CA10: variants seen among roughly 807,000 people sequenced by gnomAD.
CA10 encodes carbonic anhydrase 10 (inactive).
CA10 carries 14 observed loss-of-function variants against 44.2 expected under a neutral mutation model. That is an observed-to-expected ratio of 0.32 (90% confidence interval 0.21 to 0.50). CA10 has a LOEUF of 0.50. Ranked by LOEUF, CA10 falls within the 20% of genes least tolerant of loss-of-function variation. The pLI is 0.99. For missense variants in CA10, 350 were observed against 409.7 expected, an observed-to-expected ratio of 0.85 and a Z score of 1.26; for synonymous variants, 159 against 141.6, an observed-to-expected ratio of 1.12 and a Z score of -0.87.
intron 3 of CA10, among the ~76,000 whole-genome samples, chr17:51,876,741 A>C (rs569042369): frequency 6.6e-6 from 1 of 151,720 alleles, no homozygotes; most frequent in Admixed American, 6.6e-5. Context: ...GTAAAAACTC[A>C]TAAGCAAGAT....
At chr17:51,768,966 C>T (rs984288576) in intron 3 of CA10, among the ~76,000 whole-genome samples, 20 of 152,246 alleles carry the variant, frequency 1.3e-4, no homozygotes, top group Middle Eastern at 3.4e-3. Flanking sequence ...CTTCTCCACA[C>T]GGTTTTTCCA....
intron 3 of CA10, among the ~76,000 whole-genome samples, chr17:51,802,942 A>G (rs1906991160): frequency 6.6e-6 from 1 of 152,176 alleles, no homozygotes; most frequent in South Asian, 2.1e-4. Context: ...TCTCGTTGAC[A>G]TTAAGTGCGG....
In CA10 at chr17:51,653,635, A is replaced by G. The variant is rs1597964677; in HGVS notation, c.561+6T>C. 3 of 1,458,738 alleles carry G rather than the reference A, an allele frequency of 2.1e-6. No homozygotes were observed. Among genetic ancestry groups the G allele is most frequent in the Non-Finnish European group, 2.9e-6 (3 of 1,038,260 alleles). The allele number at this position is 1,458,738 out of a possible 1,614,324, so 90.4% of individuals were successfully genotyped here. On this transcript the variant is annotated splice_donor_region_variant and intron_variant, in intron 5 of 8. Transcript: ENST00000451037. ...TGAGAAGAATGAAGGAATGCAAGAG[A>G]CTTACTTTTATAAATATAGAAACTA...
At chr17:51,974,471 C>A (rs1193961499) in intron 2 of CA10, among the ~76,000 whole-genome samples, 2 of 146,660 alleles carry the variant, frequency 1.4e-5, no homozygotes, top group African/African-American at 2.5e-5. Flanking sequence ...AACTCGCAGA[C>A]AAGAATAAAA....
At chr17:52,080,202 C>T (rs1313974915) in intron 1 of CA10, among the ~76,000 whole-genome samples, 1 of 152,154 alleles carries the variant, frequency 6.6e-6, no homozygotes, top group Non-Finnish European at 1.5e-5. Flanking sequence ...CCACTAATCC[C>T]AGCACTTTGG....
chr17:52,093,839 T>G (rs1402261081), intron 1 of CA10, among the ~76,000 whole-genome samples: 1 of 152,182 alleles, frequency 6.6e-6, no homozygotes, highest in African/African-American at 2.4e-5. Flanking sequence ...CACCAGAAAT[T>G]TATTAGGTAG....
At chr17:51,867,367 A>G (rs1177939887) in intron 3 of CA10, among the ~76,000 whole-genome samples, 1 of 152,198 alleles carries the variant, frequency 6.6e-6, no homozygotes, top group African/African-American at 2.4e-5. Context: ...ATTGAATGAG[A>G]CTGTAGAGTG....
intron 3 of CA10, among the ~76,000 whole-genome samples, chr17:51,847,029 G>C (rs1193692027): frequency 6.6e-6 from 1 of 152,150 alleles, no homozygotes; most frequent in Admixed American, 6.5e-5. Flanking sequence ...ACAGTTTAGT[G>C]TTATATAATA....
chr17:51,671,393 G>T (rs1914413645), intron 4 of CA10, among the ~76,000 whole-genome samples: 1 of 120,712 alleles, frequency 8.3e-6, no homozygotes, highest in South Asian at 3.1e-4. Context: ...ACACATTTGG[G>T]TCATTTTTTT....
chr17:51,944,113 T>C (rs1182860623), intron 2 of CA10, among the ~76,000 whole-genome samples: 1 of 152,146 alleles, frequency 6.6e-6, no homozygotes, highest in Non-Finnish European at 1.5e-5. Flanking sequence ...AAAAAGAATG[T>C]CTTAGATGGC....
chr17:51,653,509 G>T, intron 5 of CA10, 132 bp downstream of exon 5: 1 of 631,890 alleles, frequency 1.6e-6, no homozygotes, highest in Non-Finnish European at 2.8e-6. Context: ...GTATATAAAA[G>T]GCACCATCCC....
chr17:51,989,352 T>C (rs1984958965), intron 2 of CA10, among the ~76,000 whole-genome samples: 1 of 152,034 alleles, frequency 6.6e-6, no homozygotes, highest in Non-Finnish European at 1.5e-5. Context: ...GTGTGTGTTG[T>C]TCCCCTGTAA....
At chr17:52,080,657 G>A (rs1267073395) in intron 1 of CA10, among the ~76,000 whole-genome samples, 1 of 151,976 alleles carries the variant, frequency 6.6e-6, no homozygotes, top group Non-Finnish European at 1.5e-5. Flanking sequence ...ATTTACAAGA[G>A]TCATTCTTCC....
chr17:51,830,850 C>T (rs1210894497), intron 3 of CA10, among the ~76,000 whole-genome samples: 1 of 152,142 alleles, frequency 6.6e-6, no homozygotes, highest in Non-Finnish European at 1.5e-5. Flanking sequence ...ATTACAAGTC[C>T]TCCCTGCTCA....
intron 1 of CA10, among the ~76,000 whole-genome samples, chr17:52,072,939 C>A (rs1987724358): frequency 6.6e-6 from 1 of 152,094 alleles, no homozygotes; most frequent in Non-Finnish European, 1.5e-5. Flanking sequence ...GCAAAAAGGG[C>A]AGAGGGCTCA....
chr17:51,982,398 T>C (rs1263935047), intron 2 of CA10, among the ~76,000 whole-genome samples: 3 of 151,928 alleles, frequency 2.0e-5, no homozygotes, highest in Non-Finnish European at 4.4e-5. Flanking sequence ...CATTCAGCTA[T>C]ATTCTGTCAC....
chr17:51,664,464 C>T (rs986561685), intron 4 of CA10, among the ~76,000 whole-genome samples: 6 of 150,570 alleles, frequency 4.0e-5, no homozygotes, highest in Non-Finnish European at 7.4e-5. Flanking sequence ...GGGACATGAA[C>T]ATCTCAATAT....
intron 3 of CA10, among the ~76,000 whole-genome samples, chr17:51,865,988 G>A (rs528444210): frequency 5.3e-5 from 8 of 152,336 alleles, no homozygotes; most frequent in African/African-American, 1.9e-4. Flanking sequence ...TGCAGTGAAT[G>A]AGCTGTTGGC....
chr17:51,706,069 G>A (rs534255167), intron 4 of CA10, among the ~76,000 whole-genome samples: 9 of 152,312 alleles, frequency 5.9e-5, no homozygotes, highest in Admixed American at 2.6e-4. Context: ...TTCCAGCACC[G>A]AGTAGCTGCG....
Sources: allele counts gnomAD v4.1 joint callset (sites outside exome capture counted in the v4.1 genomes callset), GRCh38; gene constraint gnomAD v4.1.1; transcripts MANE v1.5; gene names NCBI Gene and HGNC (gene_info 2026-07-23, HGNC 2026-07-21).